GRK7: variants seen among roughly 807,000 people sequenced by gnomAD.
GRK7 encodes G protein-coupled receptor kinase 7.
Under a neutral mutation model 34.1 loss-of-function variants are expected in GRK7, and 24 were observed. The observed-to-expected ratio is 0.70, with a 90% CI of 0.51 to 0.99. The LOEUF is 0.99. Ranked by LOEUF, GRK7 falls within the 50% of genes least tolerant of loss-of-function variation. The pLI is 0.00. For missense variants in GRK7, 644 were observed against 707.3 expected (o/e 0.91, Z 1.02); for synonymous variants, 256 against 279.4 (o/e 0.92, Z 0.84).
At chr3:141,766,859 A>G (rs1455512030) in intron 1 of GRK7, among the ~76,000 whole-genome samples, 1 of 152,260 alleles carries the variant, frequency 6.6e-6, no homozygotes, top group Non-Finnish European at 1.5e-5. Context: ...GTGTGAACAC[A>G]TACAGTTCAT....
At chr3:141,806,009 G>T (rs762531412) in intron 4 of GRK7, among the ~76,000 whole-genome samples, 4 of 152,158 alleles carry the variant, frequency 2.6e-5, no homozygotes, top group Non-Finnish European at 5.9e-5. Flanking sequence ...TAATCAGTGG[G>T]TGACAATCAT....
At chr3:141,804,250 G>A (rs1206651715) in intron 4 of GRK7, among the ~76,000 whole-genome samples, 5 of 152,094 alleles carry the variant, frequency 3.3e-5, no homozygotes, top group African/African-American at 9.7e-5. Flanking sequence ...TGGGAGAGAT[G>A]TTGTCTTTAG....
rs2084573535 is a variant in GRK7, at chr3:141,764,987, A to G, written c.-966A>G. Among the ~76,000 whole-genome samples, 1 of 151,942 alleles carries G rather than the reference A, an allele frequency of 6.6e-6. No homozygotes were observed. On this transcript the variant is annotated 5_prime_UTR_variant, in exon 1 of 6. Coordinates refer to ENST00000682958, the MANE Select transcript of GRK7 (RefSeq NM_139209.3). The stretch of plus-strand genomic sequence containing the variant: ...CACCAGGGTTACTGCAGCAGCCTCC[A>G]GACTGGTTTTTCTGTTTTAACCCTT...
At chr3:141,763,021 C>T (rs2084563847), upstream of GRK7, among the ~76,000 whole-genome samples, 1 of 152,258 alleles carries the variant, frequency 6.6e-6, no homozygotes, top group African/African-American at 2.4e-5. Flanking sequence ...CCTGCGCCCA[C>T]TGTCTGGCAC....
chr3:141,766,213 G>T (rs560036854), intron 1 of GRK7, among the ~76,000 whole-genome samples: 1 of 151,806 alleles, frequency 6.6e-6, no homozygotes, highest in African/African-American at 2.4e-5. Context: ...GTCCAGGCTG[G>T]AGTGCAGTGG....
At chr3:141,756,674 A>T in the GRK7 span, among the ~76,000 whole-genome samples, 1 of 152,156 alleles carries the variant, frequency 6.6e-6, no homozygotes, top group Non-Finnish European at 1.5e-5. Flanking sequence ...AATTTTTTTT[A>T]AAAAAGAAAG....
chr3:141,801,802 G>C (rs1710971660), intron 4 of GRK7, among the ~76,000 whole-genome samples: 1 of 152,152 alleles, frequency 6.6e-6, no homozygotes, highest in Non-Finnish European at 1.5e-5. Context: ...TATTGGCCAT[G>C]TGTGGATAAT....
chr3:141,803,289 A>G (rs1710989819), intron 4 of GRK7, among the ~76,000 whole-genome samples: 1 of 143,198 alleles, frequency 7.0e-6, no homozygotes, highest in East Asian at 2.1e-4. Context: ...AAAAAAAGCC[A>G]GGCGTGGTGG....
At chr3:141,762,079 G>T (rs1359586362), upstream of GRK7, among the ~76,000 whole-genome samples, 1 of 149,836 alleles carries the variant, frequency 6.7e-6, no homozygotes, top group Non-Finnish European at 1.5e-5. Flanking sequence ...CCGTAGCTCA[G>T]AGTAATTTGA....
chr3:141,760,039 TTCTC>T (rs1351413041), upstream of GRK7, among the ~76,000 whole-genome samples: 1 of 138,124 alleles, frequency 7.2e-6, no homozygotes, highest in Non-Finnish European at 1.6e-5. Flanking sequence ...TATTTGATTC[TTCTC>T]TCTTTTTTTC....
At chr3:141,808,416 A>G (rs1711058238) in intron 5 of GRK7, among the ~76,000 whole-genome samples, 1 of 152,194 alleles carries the variant, frequency 6.6e-6, no homozygotes, top group Non-Finnish European at 1.5e-5. Context: ...TCGAATTCAT[A>G]GAGACAGAAA....
At chr3:141,803,040 A>G (rs1384314194) in intron 4 of GRK7, among the ~76,000 whole-genome samples, 1 of 152,186 alleles carries the variant, frequency 6.6e-6, no homozygotes, top group African/African-American at 2.4e-5. Flanking sequence ...ATTTCACACG[A>G]GCACCTTTGA....
intron 5 of GRK7, among the ~76,000 whole-genome samples, chr3:141,815,432 A>G (rs1711142379): frequency 6.6e-6 from 1 of 152,102 alleles, no homozygotes; most frequent in Admixed American, 6.5e-5. Context: ...CATTTTTTAA[A>G]AGAAAAGAAT....
intron 4 of GRK7, among the ~76,000 whole-genome samples, chr3:141,805,258 C>T (rs1005623976): frequency 1.3e-5 from 2 of 152,226 alleles, no homozygotes; most frequent in South Asian, 4.1e-4. Flanking sequence ...TTACAGGTCT[C>T]GGTATCCCTG....
intron 4 of GRK7, among the ~76,000 whole-genome samples, chr3:141,789,669 A>AAAAAC (rs1559843417): frequency 6.6e-6 from 1 of 151,798 alleles, no homozygotes. Flanking sequence ...AAAAAAAAAA[A>AAAAAC]ACACAAAACA....
chr3:141,804,658 C>A (rs1432297679), intron 4 of GRK7, among the ~76,000 whole-genome samples: 1 of 151,646 alleles, frequency 6.6e-6, no homozygotes, highest in Non-Finnish European at 1.5e-5. Context: ...CATATACACA[C>A]ACATACACAT....
chr3:141,782,323 A>G (rs1239080988), intron 4 of GRK7, among the ~76,000 whole-genome samples: 1 of 152,146 alleles, frequency 6.6e-6, no homozygotes, highest in African/African-American at 2.4e-5. Context: ...AAGAGATCTG[A>G]TGGGACTTCA....
intron 1 of GRK7, among the ~76,000 whole-genome samples, chr3:141,771,746 G>A (rs1023740753): frequency 1.4e-4 from 21 of 151,906 alleles, no homozygotes; most frequent in African/African-American, 5.1e-4. Flanking sequence ...GAGCAGTGGC[G>A]CAATCTAGGC....
intron 3 of GRK7, among the ~76,000 whole-genome samples, chr3:141,779,475 C>A (rs987143955): frequency 6.6e-6 from 1 of 151,276 alleles, no homozygotes; most frequent in Admixed American, 6.6e-5. Context: ...AGGTTGAGAA[C>A]CTGTTTTGTA....
Sources: gnomAD v4.1 joint callset for allele counts (sites outside exome capture counted in the v4.1 genomes callset) on GRCh38, gnomAD v4.1.1 for gene constraint, MANE v1.5 for transcripts, NCBI Gene and HGNC (gene_info 2026-07-23, HGNC 2026-07-21) for gene names.